NAALADL2: variants seen among roughly 807,000 people sequenced by gnomAD.
NAALADL2 encodes the protein inactive N-acetylated-alpha-linked acidic dipeptidase-like protein 2.
A neutral mutation model predicts 87.2 loss-of-function variants in NAALADL2; 76 were observed. The observed-to-expected ratio is 0.87, with a 90% CI of 0.72 to 1.05. NAALADL2 has a LOEUF of 1.05. Among genes scored for constraint, NAALADL2 ranks in the 50% least tolerant of loss-of-function variants. NAALADL2 has a pLI of 0.00. For synonymous variants in NAALADL2, 354 were observed against 331.0 expected, an observed-to-expected ratio of 1.07 and a Z score of -0.75; for missense variants, 1,089 against 945.8, an observed-to-expected ratio of 1.15 and a Z score of -1.99.
chr3:175,145,049 T>C lies in NAALADL2; in HGVS notation c.545+47758T>C, dbSNP rs182615153. On this transcript the variant is annotated intron_variant, in intron 2 of 13. Coordinates refer to ENST00000454872, the MANE Select transcript of NAALADL2 (RefSeq NM_207015.3). ...GATTTGATGTATTGCTTTTTCACAC[T>C]TACAAATTTTAAATATTTAATTTCA... 2.7e-3 allele frequency among the ~76,000 whole-genome samples: 418 copies of C among 152,124 alleles called. 3 individuals carry two copies. The highest frequency in any genetic ancestry group is 9.6e-3 in the African/African-American group (397 of 41,552).
At chr3:174,905,683 A>C (rs1302680848) in intron 1 of NAALADL2, among the ~76,000 whole-genome samples, 1 of 152,020 alleles carries the variant, frequency 6.6e-6, no homozygotes, top group Non-Finnish European at 1.5e-5. Context: ...CTTTTATTTT[A>C]CTGACACTGT....
At chr3:174,510,973 T>C (rs1229259971) in intron 1 of NAALADL2, among the ~76,000 whole-genome samples, 1 of 151,994 alleles carries the variant, frequency 6.6e-6, no homozygotes, top group Non-Finnish European at 1.5e-5. Context: ...TTGAAAGAAT[T>C]TTGGGATTCT....
chr3:174,578,105 T>A (rs1715744519), intron 2 of NAALADL2, among the ~76,000 whole-genome samples: 1 of 151,984 alleles, frequency 6.6e-6, no homozygotes, highest in African/African-American at 2.4e-5. Flanking sequence ...AAAAAGGTTT[T>A]AAAAAGTTAA....
At chr3:174,705,675 C>T (rs1216142937) in intron 2 of NAALADL2, among the ~76,000 whole-genome samples, 4 of 150,036 alleles carry the variant, frequency 2.7e-5, no homozygotes, top group Admixed American at 1.3e-4. Flanking sequence ...CCCAGCTACT[C>T]GGGAGGCTGA....
At chr3:174,846,061 G>A (rs1354318311) in intron 3 of NAALADL2, among the ~76,000 whole-genome samples, 1 of 152,098 alleles carries the variant, frequency 6.6e-6, no homozygotes. Context: ...CTGAGCTTGG[G>A]GCCTGTGAGG....
intron 4 of NAALADL2, among the ~76,000 whole-genome samples, chr3:175,289,342 T>G (rs1755364806): frequency 6.6e-6 from 1 of 152,066 alleles, no homozygotes; most frequent in African/African-American, 2.4e-5. Flanking sequence ...AGAGCTGCAG[T>G]GTAGTACTAG....
chr3:175,671,610 C>T (rs1734019221), intron 11 of NAALADL2, among the ~76,000 whole-genome samples: 1 of 151,938 alleles, frequency 6.6e-6, no homozygotes, highest in African/African-American at 2.4e-5. Flanking sequence ...TCTCAATTTT[C>T]CAAATTGTTC....
At chr3:175,706,424 T>C (rs868380433) in intron 11 of NAALADL2, among the ~76,000 whole-genome samples, 17 of 152,142 alleles carry the variant, frequency 1.1e-4, no homozygotes, top group African/African-American at 3.9e-4. Context: ...AGAGCAATTC[T>C]AACAATAATA....
At chr3:175,329,534 C>G (rs1408020007) in intron 5 of NAALADL2, among the ~76,000 whole-genome samples, 1 of 152,142 alleles carries the variant, frequency 6.6e-6, no homozygotes, top group East Asian at 1.9e-4. Context: ...AATGTTGAAC[C>G]ATTCCCTGAC....
intron 1 of NAALADL2, among the ~76,000 whole-genome samples, chr3:175,011,970 T>C (rs1749885675): frequency 6.6e-6 from 1 of 152,094 alleles, no homozygotes; most frequent in East Asian, 1.9e-4. Context: ...AAGAAGGTTA[T>C]CAGTTTCATT....
intron 2 of NAALADL2, among the ~76,000 whole-genome samples, chr3:174,640,118 C>T (rs547933613): frequency 1.4e-4 from 22 of 152,262 alleles, no homozygotes; most frequent in African/African-American, 4.8e-4. Context: ...AATGATTTAG[C>T]CTAGAAATGC....
At chr3:175,726,429 T>C (rs143433891) in intron 11 of NAALADL2, among the ~76,000 whole-genome samples, 39 of 152,276 alleles carry the variant, frequency 2.6e-4, no homozygotes, top group African/African-American at 7.9e-4. Flanking sequence ...GAGATTAAAA[T>C]GTAACACCTC....
At position 175,148,931 on chromosome 3, in the gene NAALADL2, G is replaced by A. The variant is rs1450656927; in HGVS notation, c.545+51640G>A. ...TACTTAGGATTGCTTTGACTATTCA[G>A]GCTCTTTTTTGGTTCCATATGAATG... On this transcript the variant is annotated intron_variant, in intron 2 of 13. Coordinates refer to ENST00000454872, the MANE Select transcript of NAALADL2 (RefSeq NM_207015.3). 2.6e-5 allele frequency among the ~76,000 whole-genome samples: 4 copies of A among 152,176 alleles called. No individual in the cohort carries two copies. The East Asian group carries it at 7.7e-4, about 29-fold the overall frequency.
intron 4 of NAALADL2, among the ~76,000 whole-genome samples, chr3:175,315,892 T>A (rs1175704928): frequency 6.6e-6 from 1 of 152,204 alleles, no homozygotes; most frequent in Non-Finnish European, 1.5e-5. Flanking sequence ...GAAATTTTGA[T>A]GTTTTGGGGG....
chr3:174,609,877 C>G (rs1719617767), intron 2 of NAALADL2, among the ~76,000 whole-genome samples: 1 of 152,046 alleles, frequency 6.6e-6, no homozygotes, highest in Non-Finnish European at 1.5e-5. Flanking sequence ...GCCAAAAGAA[C>G]AAAGCTGGAG....
chr3:175,093,666 T>G (rs1018753008), intron 1 of NAALADL2, among the ~76,000 whole-genome samples: 2 of 151,478 alleles, frequency 1.3e-5, no homozygotes, highest in African/African-American at 4.8e-5. Flanking sequence ...TATATGTCAT[T>G]ACATACTCAT....
At chr3:174,524,562 T>C (rs1720554296) in intron 1 of NAALADL2, among the ~76,000 whole-genome samples, 1 of 152,110 alleles carries the variant, frequency 6.6e-6, no homozygotes, top group Admixed American at 6.5e-5. Context: ...ATTGTTTTTT[T>C]GTGACAGAGT....
intron 4 of NAALADL2, among the ~76,000 whole-genome samples, chr3:175,269,977 TAATA>T (rs1200856716): frequency 1.3e-5 from 2 of 152,180 alleles, no homozygotes; most frequent in South Asian, 2.1e-4. Flanking sequence ...TGAAGTCAGG[TAATA>T]AATATGTGAG....
At chr3:175,215,553 C>T (rs1226608172) in intron 2 of NAALADL2, among the ~76,000 whole-genome samples, 1 of 152,120 alleles carries the variant, frequency 6.6e-6, no homozygotes, top group Non-Finnish European at 1.5e-5. Context: ...AGACTTTGCA[C>T]ACCTTTCAGA....
Sources: allele counts gnomAD v4.1 joint callset (sites outside exome capture counted in the v4.1 genomes callset), GRCh38; gene constraint gnomAD v4.1.1; transcripts MANE v1.5; gene names NCBI Gene and HGNC (gene_info 2026-07-23, HGNC 2026-07-21).